CUX1: variants seen among roughly 807,000 people sequenced by gnomAD.
The protein encoded by CUX1 is cut like homeobox 1, also known as protein CASP.
CUX1 carries 31 observed loss-of-function variants against 158.8 expected under a neutral mutation model. The ratio of observed to expected loss-of-function variants is 0.20; its 90% confidence interval spans 0.15 to 0.26. The LOEUF (loss-of-function observed/expected upper bound fraction) is 0.26. CUX1 is among the 10% of genes least tolerant of loss of function. The pLI, the probability that CUX1 is intolerant of heterozygous loss-of-function variation, is 1.00. For synonymous variants in CUX1, 879 were observed against 862.1 expected (o/e 1.02, Z -0.34); for missense variants, 1,589 against 2,014.6 (o/e 0.79, Z 4.04).
At position 102,229,685 on chromosome 7, in the gene CUX1, G is replaced by A. The variant is rs541194347; in HGVS notation, c.3433+2016G>A. Among the ~76,000 whole-genome samples the A allele has an allele frequency of 4.5e-5, 6 of 132,270 alleles. No individual in the cohort carries two copies. The South Asian group carries it at 1.5e-3, about 33-fold the overall frequency. 86.8% of individuals were successfully genotyped at this position (132,270 alleles called of 152,430 possible). A position where few individuals can be genotyped will look rare whatever the true frequency, so the allele number is the denominator to read the frequency against. ...CAGGCTGGAGTGCAGTGGCACAATC[G>A]CGGCTCACTATAATCACTGCCTCCT... On this transcript the variant is annotated intron_variant, in intron 21 of 23. Coordinates refer to ENST00000292535, the MANE Select transcript of CUX1 (RefSeq NM_181552.4).
chr7:102,163,128 G>T (rs1158680937), intron 9 of CUX1, among the ~76,000 whole-genome samples: 8 of 152,154 alleles, frequency 5.3e-5, no homozygotes, highest in African/African-American at 1.7e-4. Flanking sequence ...AGCAGGAAAA[G>T]AAGTGGAAGG....
At chr7:101,927,152 A>T (rs867781030) in intron 2 of CUX1, among the ~76,000 whole-genome samples, 699 of 60,080 alleles carry the variant, frequency 0.012, 9 homozygotes, top group African/African-American at 0.039. Flanking sequence ...AACACAACAC[A>T]CACACACACA....
intron 21 of CUX1, among the ~76,000 whole-genome samples, chr7:102,232,206 C>T (rs545250000): frequency 1.2e-4 from 18 of 151,788 alleles, no homozygotes; most frequent in East Asian, 1.9e-4. Context: ...CTAAGCCAGG[C>T]GTGGTGGTGC....
chr7:101,885,280 T>C (rs4412307), intron 1 of CUX1, among the ~76,000 whole-genome samples: 130,940 of 152,102 alleles, frequency 0.86, 56,488 homozygotes, highest in East Asian at 0.99. Context: ...GTGCCCAGAT[T>C]CCCCCCTACA....
At chr7:101,997,210 G>A (rs1816038482) in intron 2 of CUX1, among the ~76,000 whole-genome samples, 1 of 152,226 alleles carries the variant, frequency 6.6e-6, no homozygotes, top group South Asian at 2.1e-4. Context: ...CGTCCCCAGA[G>A]TGGGGAAAGC....
intron 9 of CUX1, among the ~76,000 whole-genome samples, chr7:102,160,236 A>G (rs1020655319): frequency 2.6e-5 from 4 of 151,102 alleles, no homozygotes; most frequent in South Asian, 2.1e-4. Flanking sequence ...CACTATTCCT[A>G]TTTCTCAAGT....
rs1801618213 is a variant in CUX1, at chr7:102,252,437, T to C, written c.*3395T>C. The C allele has an allele frequency of 1.0e-6, 1 of 985,350 alleles. No individual in the cohort carries two copies. 61.0% of individuals were successfully genotyped at this position (985,350 alleles called of 1,614,324 possible). A position where few individuals can be genotyped will look rare whatever the true frequency, so the allele number is the denominator to read the frequency against. ...AGTTTAAAAAGCTGATTTGTACCTC[T>C]CCCCTGGGGGAAACGGTTCCATATA... On this transcript the variant is annotated 3_prime_UTR_variant, in exon 24 of 24. Coordinates refer to ENST00000292535, the MANE Select transcript of CUX1 (RefSeq NM_181552.4).
intron 8 of CUX1, among the ~76,000 whole-genome samples, chr7:102,156,960 A>G (rs1554505475): frequency 6.6e-6 from 1 of 152,248 alleles, no homozygotes; most frequent in Non-Finnish European, 1.5e-5. Flanking sequence ...TTCCTGAGAC[A>G]GAGCTGCTGA....
chr7:102,127,707 G>A (rs1355381128), intron 8 of CUX1, among the ~76,000 whole-genome samples: 1 of 152,066 alleles, frequency 6.6e-6, no homozygotes, highest in Non-Finnish European at 1.5e-5. Context: ...TTATTTCCCT[G>A]CTGTTCAGGA....
chr7:102,083,028 G>A (rs1248096865), intron 4 of CUX1, among the ~76,000 whole-genome samples: 3 of 147,128 alleles, frequency 2.0e-5, no homozygotes, highest in Admixed American at 6.8e-5. Flanking sequence ...TTTCAATGTA[G>A]ATGTATCTTT....
In CUX1 at chr7:101,817,983, A is replaced by G. The variant is rs1184549635; in HGVS notation, c.30+314A>G. ...GCGGGTTGGATTAAAACATATTTAAATGGAATCTGACAACTTTAATTGTAT... is the reference window on the plus strand; with the variant it reads ...GCGGGTTGGATTAAAACATATTTAAGTGGAATCTGACAACTTTAATTGTAT... On this transcript the variant is annotated intron_variant, in intron 1 of 23. Coordinates refer to ENST00000292535, the MANE Select transcript of CUX1 (RefSeq NM_181552.4). This position sits in a 1 kb window ranked among gnomAD's most constrained non-coding sequence, Gnocchi z 4.1. 1.3e-5 allele frequency among the ~76,000 whole-genome samples: 2 copies of G among 152,198 alleles called. No homozygotes were observed. Among genetic ancestry groups the G allele is most frequent in the South Asian group, 2.1e-4 (1 of 4,832 alleles).
At chr7:102,009,289 C>T (rs933767302) in intron 2 of CUX1, among the ~76,000 whole-genome samples, 3 of 152,170 alleles carry the variant, frequency 2.0e-5, no homozygotes, top group East Asian at 1.9e-4. Context: ...GCTGTCATGA[C>T]GCTGACCGCA....
intron 2 of CUX1, among the ~76,000 whole-genome samples, chr7:102,005,695 T>A (rs1021188670): frequency 6.6e-6 from 1 of 152,120 alleles, no homozygotes; most frequent in African/African-American, 2.4e-5. Flanking sequence ...ACCCCACTGA[T>A]GCTGGGTTCC....
At chr7:102,033,629 C>T (rs1209821819) in intron 3 of CUX1, among the ~76,000 whole-genome samples, 2 of 152,264 alleles carry the variant, frequency 1.3e-5, no homozygotes, top group East Asian at 3.9e-4. Context: ...AAAGAAGAAA[C>T]AGACAACTTG....
chr7:102,126,211 G>T (rs1387746837), intron 8 of CUX1, among the ~76,000 whole-genome samples: 3 of 150,720 alleles, frequency 2.0e-5, no homozygotes, highest in Non-Finnish European at 4.4e-5. Flanking sequence ...GTGTGTGTGT[G>T]TATTTTTTGT....
chr7:101,925,342 C>A (rs1432405502), intron 2 of CUX1, among the ~76,000 whole-genome samples: 1 of 152,166 alleles, frequency 6.6e-6, no homozygotes, highest in Non-Finnish European at 1.5e-5. Flanking sequence ...AACTCCTGGC[C>A]TCAAATGATC....
Position 102,255,994 on chromosome 7 carries a change from G to T in CUX1, c.*6952G>T, listed in dbSNP as rs531483526. On this transcript the variant is annotated 3_prime_UTR_variant, in exon 24 of 24. Coordinates refer to ENST00000292535, the MANE Select transcript of CUX1 (RefSeq NM_181552.4). ...TAAGCTTTAGACCAGGACGATTCAG[G>T]TTATGAATGAGTTTGTTCACTGTAG... 10 of 985,418 alleles carry T rather than the reference G, an allele frequency of 1.0e-5. No homozygotes were observed. In the South Asian group the frequency reaches 3.3e-4, roughly 32 times the overall value. The allele number at this position is 985,418 out of a possible 1,614,324, so 61.0% of individuals were successfully genotyped here.
chr7:102,115,092 C>T, intron 7 of CUX1, 115 bp from the exon 8 acceptor site: 1 of 844,930 alleles, frequency 1.2e-6, no homozygotes, highest in Non-Finnish European at 1.9e-6. Flanking sequence ...CTTTATTTTT[C>T]CACGCACCTC....
chr7:101,855,803 G>C (rs574932198), intron 1 of CUX1, among the ~76,000 whole-genome samples: 2 of 150,502 alleles, frequency 1.3e-5, no homozygotes, highest in Admixed American at 6.7e-5. Context: ...GCTTGAACCC[G>C]AGAGGCGGAG....
Sources: gnomAD v4.1 joint callset for allele counts (sites outside exome capture counted in the v4.1 genomes callset) on GRCh38, gnomAD v4.1.1 for gene constraint, Gnocchi (gnomAD v3.1) non-coding constraint, MANE v1.5 for transcripts, NCBI Gene and HGNC (gene_info 2026-07-23, HGNC 2026-07-21) for gene names.